Variants in ABHD12 observed in about 807,000 individuals in gnomAD.
ABHD12 encodes the protein abhydrolase domain containing 12, lysophospholipase.
ABHD12 carries 43 observed loss-of-function variants against 58.3 expected under a neutral mutation model. The observed-to-expected ratio is 0.74, with a 90% CI of 0.58 to 0.95. ABHD12 has a LOEUF of 0.95. Among genes scored for constraint, ABHD12 ranks in the 40% least tolerant of loss-of-function variants. The pLI is 0.00. For missense variants in ABHD12, 539 were observed against 537.2 expected, an observed-to-expected ratio of 1.00 and a Z score of -0.03; for synonymous variants, 219 against 211.2, an observed-to-expected ratio of 1.04 and a Z score of -0.32.
At chr20:25,348,302 G>T (rs2089548083) in intron 1 of ABHD12, among the ~76,000 whole-genome samples, 1 of 151,984 alleles carries the variant, frequency 6.6e-6, no homozygotes, top group Admixed American at 6.6e-5. Flanking sequence ...ATAAGTTTTG[G>T]GCTAGAAAGA....
rs188582333 is a variant in ABHD12 at position 25,340,953 on chromosome 20, T to A, written c.192-1602A>T. 1.3e-4 allele frequency among the ~76,000 whole-genome samples: 20 copies of A among 152,344 alleles called. No individual in the cohort carries two copies. In the East Asian group the frequency reaches 1.5e-3, roughly 12 times the overall value. ...ACACATTTATCAAGACTCACTGAAC[T>A]GTATACTTAGAATCCATGAACTTTG... On this transcript the variant is annotated intron_variant, in intron 1 of 12. Transcript: ENST00000339157.
At chr20:25,298,397 C>G (rs573822489), downstream of ABHD12, among the ~76,000 whole-genome samples, 2 of 152,202 alleles carry the variant, frequency 1.3e-5, no homozygotes, top group East Asian at 3.9e-4. Context: ...TCCCGAGTAG[C>G]TGGCATTACA....
intron 1 of ABHD12, among the ~76,000 whole-genome samples, chr20:25,379,393 T>G (rs1474723291): frequency 6.6e-6 from 1 of 152,172 alleles, no homozygotes; most frequent in African/African-American, 2.4e-5. Flanking sequence ...CCTTGCTGCT[T>G]ATTTCCTAAG....
chr20:25,349,619 T>C (rs2089571633), intron 1 of ABHD12, among the ~76,000 whole-genome samples: 1 of 152,224 alleles, frequency 6.6e-6, no homozygotes, highest in Non-Finnish European at 1.5e-5. Context: ...TTTTAAAACA[T>C]TATGCTAAGT....
intron 1 of ABHD12, among the ~76,000 whole-genome samples, chr20:25,344,240 C>T (rs1271451164): frequency 6.6e-6 from 1 of 152,116 alleles, no homozygotes; most frequent in Non-Finnish European, 1.5e-5. Context: ...AAGGAGATAA[C>T]AGGTATAGAG....
Position 25,300,432 on chromosome 20 carries a change from G to A in ABHD12, c.*413C>T. 8.5e-7 allele frequency: 1 copy of A among 1,170,296 alleles called. No homozygotes were observed. Among genetic ancestry groups the A allele is most frequent in the Non-Finnish European group, 1.1e-6 (1 of 934,720 alleles). 72.5% of individuals were successfully genotyped at this position (1,170,296 alleles called of 1,614,324 possible). A position where few individuals can be genotyped will look rare whatever the true frequency, so the allele number is the denominator to read the frequency against. ...GTCATTCTGCATGTGCTGGGAAGGT[G>A]CAGAAAGAACCTGGACCCCACGTTC... On this transcript the variant is annotated 3_prime_UTR_variant, in exon 13 of 13. Coordinates refer to ENST00000339157, the MANE Select transcript of ABHD12 (RefSeq NM_001042472.3).
At chr20:25,339,451 TA>T in intron 1 of ABHD12, 100 bp from the exon 2 acceptor site, 1 of 1,569,992 alleles carries the variant, frequency 6.4e-7, no homozygotes, top group Non-Finnish European at 8.7e-7. Flanking sequence ...GAGCCACACA[TA>T]TTTTTTTTTC....
At chr20:25,313,462 C>G (rs1203582373) in intron 6 of ABHD12, among the ~76,000 whole-genome samples, 1 of 151,586 alleles carries the variant, frequency 6.6e-6, no homozygotes, top group Non-Finnish European at 1.5e-5. Flanking sequence ...CCGCAGGGTC[C>G]TCTGCCTAGG....
At chr20:25,340,862 G>T (rs921973877) in intron 1 of ABHD12, among the ~76,000 whole-genome samples, 2 of 152,178 alleles carry the variant, frequency 1.3e-5, no homozygotes, top group African/African-American at 4.8e-5. Context: ...GACTGCAAGG[G>T]CCAGGAGAGG....
Position 25,339,658 on chromosome 20 carries a change from C to T in ABHD12, c.192-307G>A, listed in dbSNP as rs745361028. 2.2e-6 allele frequency: 3 copies of T among 1,395,200 alleles called. No homozygotes were observed. In the South Asian group the frequency reaches 3.4e-5, roughly 16 times the overall value. The allele number at this position is 1,395,200 out of a possible 1,614,324, so 86.4% of individuals were successfully genotyped here. A position where few individuals can be genotyped will look rare whatever the true frequency, so the allele number is the denominator to read the frequency against. ...AATACAGCAGAGAAAGCAGACCCCA[C>T]CATGCCCCCCACCTGACATCAGACC... On this transcript the variant is annotated intron_variant, in intron 1 of 12. Transcript: ENST00000339157.
chr20:25,333,820 A>G (rs2089318189), intron 2 of ABHD12, among the ~76,000 whole-genome samples: 1 of 151,982 alleles, frequency 6.6e-6, no homozygotes, highest in Non-Finnish European at 1.5e-5. Flanking sequence ...AAATAATAAG[A>G]GCTATCTATG....
chr20:25,321,877 T>G (rs578184793), intron 3 of ABHD12, among the ~76,000 whole-genome samples: 3 of 152,320 alleles, frequency 2.0e-5, no homozygotes, highest in African/African-American at 7.2e-5. Context: ...CAGCACCAAC[T>G]ACTAAGAACA....
intron 1 of ABHD12, among the ~76,000 whole-genome samples, chr20:25,382,088 C>T (rs1600883213): frequency 6.6e-6 from 1 of 152,210 alleles, no homozygotes; most frequent in African/African-American, 2.4e-5. Context: ...AGGGAAGACA[C>T]TCTTATCCCT....
rs1339057486 is a variant in ABHD12, at chr20:25,312,627, C to T, written c.619+2298G>A. ...CCGTCTGGGAAGTGAGGAGCGTCTCCGCCTGGCCGCCCATCGTCTGGGATG... is the reference window on the plus strand; with the variant it reads ...CCGTCTGGGAAGTGAGGAGCGTCTCTGCCTGGCCGCCCATCGTCTGGGATG... On this transcript the variant is annotated intron_variant, in intron 6 of 12. Transcript: ENST00000339157. Among the ~76,000 whole-genome samples, 6 of 151,388 alleles carry T rather than the reference C, an allele frequency of 4.0e-5. No individual in the cohort carries two copies. The East Asian group carries it at 1.2e-3, about 30-fold the overall frequency.
At chr20:25,316,567 G>T (rs560730056) in intron 5 of ABHD12, among the ~76,000 whole-genome samples, 4 of 152,378 alleles carry the variant, frequency 2.6e-5, no homozygotes, top group African/African-American at 7.2e-5. Context: ...CATACATTCT[G>T]ATGTTGGGGC....
intron 1 of ABHD12, among the ~76,000 whole-genome samples, chr20:25,370,086 C>T (rs2089880658): frequency 1.3e-5 from 2 of 152,132 alleles, no homozygotes; most frequent in Admixed American, 1.3e-4. Flanking sequence ...TGCGGGAATT[C>T]CTACTTAAAT....
intron 1 of ABHD12, among the ~76,000 whole-genome samples, chr20:25,378,982 T>G (rs2089991690): frequency 6.6e-6 from 1 of 152,248 alleles, no homozygotes; most frequent in Non-Finnish European, 1.5e-5. Flanking sequence ...TAATTCTATT[T>G]AACAATGAAG....
At chr20:25,376,305 C>T (rs541630994) in intron 1 of ABHD12, among the ~76,000 whole-genome samples, 1 of 152,260 alleles carries the variant, frequency 6.6e-6, no homozygotes, top group South Asian at 2.1e-4. Context: ...TTCTTCTTAG[C>T]TTTTAGGCGG....
At chr20:25,340,636 C>CCCACTG (rs1406572313) in intron 1 of ABHD12, among the ~76,000 whole-genome samples, 17 of 152,376 alleles carry the variant, frequency 1.1e-4, no homozygotes, top group African/African-American at 4.1e-4. Flanking sequence ...GACAAGCTAT[C>CCCACTG]TCTGGACAAT....
Sources: gnomAD v4.1 joint callset for allele counts (sites outside exome capture counted in the v4.1 genomes callset) on GRCh38, gnomAD v4.1.1 for gene constraint, MANE v1.5 for transcripts, NCBI Gene and HGNC (gene_info 2026-07-23, HGNC 2026-07-21) for gene names.